Variants in ABCC4 observed in about 807,000 individuals in gnomAD.
ABCC4 encodes ATP binding cassette subfamily C member 4 (PEL blood group), also known as ATP-binding cassette sub-family C member 4.
A neutral mutation model predicts 168.5 loss-of-function variants in ABCC4; 102 were observed. The observed-to-expected ratio is 0.61, with a 90% CI of 0.52 to 0.71. The LOEUF (loss-of-function observed/expected upper bound fraction) is 0.71, where lower values mean the gene tolerates loss of function less well. Among genes scored for constraint, ABCC4 ranks in the 30% least tolerant of loss-of-function variants. The pLI is 0.00. For missense variants in ABCC4, 1,402 were observed against 1,605.8 expected, an observed-to-expected ratio of 0.87 and a Z score of 2.17; for synonymous variants, 617 against 590.7, an observed-to-expected ratio of 1.04 and a Z score of -0.65.
chr13:95,044,194 A>T, intron 28 of ABCC4, 72 bp downstream of exon 28: 2 of 1,366,412 alleles, frequency 1.5e-6, no homozygotes, highest in Non-Finnish European at 2.0e-6. Context: ...AATATTTCTC[A>T]GAATCATTCC....
chr13:95,277,580 A>C (rs77074585), intron 1 of ABCC4, among the ~76,000 whole-genome samples: 1 of 8,910 alleles, frequency 1.1e-4, no homozygotes, highest in African/African-American at 1.6e-4. Context: ...AGACTTCTCA[A>C]AAAAAAAAAA....
chr13:95,287,385 A>G lies in ABCC4; in HGVS notation c.74+13856T>C, dbSNP rs1047593248. On this transcript the variant is annotated intron_variant, in intron 1 of 30. Coordinates refer to ENST00000645237, the MANE Select transcript of ABCC4 (RefSeq NM_005845.5). ...GGGCAGATCACGAGGTCAGGAGTTC[A>G]AGACCAGCCTGGCCAACATGGTGAA... 6.6e-5 allele frequency among the ~76,000 whole-genome samples: 10 copies of G among 151,976 alleles called. No individual in the cohort carries two copies. In the East Asian group the frequency reaches 1.4e-3, roughly 21 times the overall value.
At chr13:95,278,806 GAAAAAAAAAAAAAAAA>G (rs71113905) in intron 1 of ABCC4, among the ~76,000 whole-genome samples, 1 of 34,344 alleles carries the variant, frequency 2.9e-5, no homozygotes, top group Admixed American at 5.5e-4. Flanking sequence ...CCCTGTCTCG[GAAAAAAAAAAAAAAAA>G]AAAAAAAAAA....
chr13:95,102,938 A>AT (rs112814539), intron 20 of ABCC4, among the ~76,000 whole-genome samples: 28,336 of 150,994 alleles, frequency 0.19, 2,816 homozygotes, highest in Middle Eastern at 0.28. Context: ...ATCTAATCTT[A>AT]TTCACAGTAG....
intron 1 of ABCC4, among the ~76,000 whole-genome samples, chr13:95,282,213 G>A (rs904453910): frequency 1.3e-5 from 2 of 151,868 alleles, no homozygotes; most frequent in East Asian, 1.9e-4. Flanking sequence ...TCCAACATGC[G>A]AACTTTGGGG....
At position 95,301,318 on chromosome 13, in the gene ABCC4, G is replaced by A; in HGVS notation, c.-4C>T. 6 of 1,585,322 alleles carry A rather than the reference G, an allele frequency of 3.8e-6. No homozygotes were observed. Among genetic ancestry groups the A allele is most frequent in the Non-Finnish European group, 5.1e-6 (6 of 1,167,208 alleles). On this transcript the variant is annotated 5_prime_UTR_variant, in exon 1 of 31. Coordinates refer to ENST00000645237, the MANE Select transcript of ABCC4 (RefSeq NM_005845.5). The stretch of plus-strand genomic sequence containing the variant: ...CCTCCTGGTACACGGGCAGCATCTT[G>A]CCGGGCGGGGCGGGCGCGGGCCGGG...
chr13:95,122,191 T>C (rs2035593650), intron 19 of ABCC4, among the ~76,000 whole-genome samples: 1 of 152,234 alleles, frequency 6.6e-6, no homozygotes, highest in Non-Finnish European at 1.5e-5. Context: ...TTTGCTCACT[T>C]TCATTTCAAA....
At chr13:95,025,404 C>T (rs112360335) in intron 30 of ABCC4, among the ~76,000 whole-genome samples, 23 of 78,574 alleles carry the variant, frequency 2.9e-4, no homozygotes, top group African/African-American at 1.5e-3. Flanking sequence ...CACACACATA[C>T]CCCCACCACA....
chr13:95,028,086 G>A lies in ABCC4; in HGVS notation c.3871-6404C>T, dbSNP rs4148545. 6.2e-3 allele frequency among the ~76,000 whole-genome samples: 940 copies of A among 152,240 alleles called. 56 individuals are homozygous for A. The South Asian group carries it at 0.12, about 20-fold the overall frequency. On this transcript the variant is annotated intron_variant, in intron 30 of 30. Coordinates refer to ENST00000645237, the MANE Select transcript of ABCC4 (RefSeq NM_005845.5). ...AAAGAAAGGTGTGTTAAAATGGCAG[G>A]AAATATAATTCATAGTGGAAACCCA...
At position 95,027,200 on chromosome 13, in the gene ABCC4, G is replaced by A. The variant is rs1033884367; in HGVS notation, c.3871-5518C>T. ...GATTTCAGACATGCAATAAGTCAGG[G>A]ATTCTAAATTCCAAGGAACCTTTCC... On this transcript the variant is annotated intron_variant, in intron 30 of 30. Transcript: ENST00000645237. Among the ~76,000 whole-genome samples, 6 of 152,044 alleles carry A rather than the reference G, an allele frequency of 3.9e-5. No homozygotes were observed. The East Asian group carries it at 1.2e-3, about 29-fold the overall frequency.
At position 95,206,715 on chromosome 13, in the gene ABCC4, A is replaced by G; in HGVS notation, c.978T>C (p.Ser326=). The change falls in exon 8 of 31, where the codon AGT becomes AGC. Residue 326 remains serine, a synonymous_variant. Transcript: ENST00000645237. Reference sequence around the variant, plus strand: ...TCACAAACACGATGATTTTGCTTGCACTGAAAAATGAAGCCAAATTCATCC... The same window carrying G: ...TCACAAACACGATGATTTTGCTTGCGCTGAAAAATGAAGCCAAATTCATCC... ...LRGMNLASFF[S]ASKIIVFVTF... 2 of 1,614,164 alleles carry G rather than the reference A, an allele frequency of 1.2e-6. No individual in the cohort carries two copies. The highest frequency in any genetic ancestry group is 3.3e-5 in the Admixed American group (2 of 60,024).
intron 30 of ABCC4, among the ~76,000 whole-genome samples, chr13:95,023,305 C>T (rs934619038): frequency 6.6e-6 from 1 of 152,162 alleles, no homozygotes; most frequent in Non-Finnish European, 1.5e-5. Flanking sequence ...TAGTCAAAAA[C>T]AAACTTCCTG....
intron 29 of ABCC4, among the ~76,000 whole-genome samples, chr13:95,038,374 CA>C (rs74617293): frequency 4.4e-4 from 43 of 97,640 alleles, no homozygotes; most frequent in African/African-American, 1.4e-3. Flanking sequence ...AGCCCATACT[CA>C]AAAAAAAAAA....
intron 9 of ABCC4, among the ~76,000 whole-genome samples, chr13:95,189,560 A>AT (rs767031116): frequency 1.3e-5 from 2 of 152,180 alleles, no homozygotes; most frequent in Non-Finnish European, 2.9e-5. Context: ...TCCTTGGCTA[A>AT]TGGATGACTT....
chr13:95,294,774 GA>G lies in ABCC4; in HGVS notation c.74+6466del, dbSNP rs202132299. ...TCAAGACCAGCCTGGACAACATGTT[GA>G]AACCCCATCTCTCCTAAAAGTACAA... On this transcript the variant is annotated intron_variant, in intron 1 of 30. Transcript: ENST00000645237. Among the ~76,000 whole-genome samples the G allele has an allele frequency of 5.4e-3, 823 of 152,170 alleles. 5 individuals are homozygous for G. Among genetic ancestry groups the G allele is most frequent in the African/African-American group, 0.019 (789 of 41,530 alleles).
At chr13:95,170,350 T>A in intron 14 of ABCC4, 182 bp downstream of exon 14, 1 of 467,558 alleles carries the variant, frequency 2.1e-6, no homozygotes, top group Non-Finnish European at 3.8e-6. Context: ...GTAGCAATTT[T>A]ACATACTTTA....
intron 19 of ABCC4, among the ~76,000 whole-genome samples, chr13:95,144,803 G>T (rs1459313910): frequency 6.6e-6 from 1 of 151,970 alleles, no homozygotes; most frequent in East Asian, 1.9e-4. Flanking sequence ...TGGCCATACT[G>T]CCCAGAGCAA....
chr13:95,048,375 T>C (rs2032685032), intron 27 of ABCC4, among the ~76,000 whole-genome samples: 1 of 152,214 alleles, frequency 6.6e-6, no homozygotes. Flanking sequence ...CCCATTTCTA[T>C]CATCATAAAT....
At chr13:95,127,471 T>G (rs2035820448) in intron 19 of ABCC4, among the ~76,000 whole-genome samples, 1 of 151,878 alleles carries the variant, frequency 6.6e-6, no homozygotes, top group African/African-American at 2.4e-5. Context: ...AGAGACGAGG[T>G]TTCTCCATGT....
Sources: allele counts gnomAD v4.1 joint callset (sites outside exome capture counted in the v4.1 genomes callset), GRCh38; gene constraint gnomAD v4.1.1; transcripts MANE v1.5; gene names NCBI Gene and HGNC (gene_info 2026-07-23, HGNC 2026-07-21).